The following LARP1 variants were observed in gnomAD, a reference collection of about 807,000 sequenced individuals.
LARP1 encodes the protein La ribonucleoprotein 1, translational regulator.
Under a neutral mutation model 122.7 loss-of-function variants are expected in LARP1, and 36 were observed. The ratio of observed to expected loss-of-function variants is 0.29; its 90% CI spans 0.22 to 0.39. The LOEUF (loss-of-function observed/expected upper bound fraction) is 0.39, where lower values mean the gene tolerates loss of function less well. Among genes scored for constraint, LARP1 ranks in the 10% least tolerant of loss-of-function variants. The pLI, the probability that LARP1 is intolerant of heterozygous loss-of-function variation, is 1.00. For missense variants in LARP1, 1,040 were observed against 1,403.6 expected, an observed-to-expected ratio of 0.74 and a Z score of 4.14; for synonymous variants, 539 against 528.7, an observed-to-expected ratio of 1.02 and a Z score of -0.27.
chr5:154,709,506 T>TTTTAAGTGCAGCTTC (rs1755108644), upstream of LARP1, among the ~76,000 whole-genome samples: 1 of 152,178 alleles, frequency 6.6e-6, no homozygotes, highest in Non-Finnish European at 1.5e-5. Context: ...TGGTATTTTC[T>TTTTAAGTGCAGCTTC]TTTAAGTGCA....
At chr5:154,796,158 T>TTTTATATA (rs1757827705) in intron 8 of LARP1, among the ~76,000 whole-genome samples, 1 of 121,636 alleles carries the variant, frequency 8.2e-6, no homozygotes, top group African/African-American at 3.1e-5. Flanking sequence ...TATATATATA[T>TTTTATATA]TTTATGTATT....
chr5:154,732,002 C>A (rs1756600155), intron 1 of LARP1, among the ~76,000 whole-genome samples: 2 of 143,966 alleles, frequency 1.4e-5, no homozygotes, highest in Admixed American at 1.4e-4. Context: ...AGCCTGGTAA[C>A]AGAGTGAGAC....
At chr5:154,712,658 G>A (rs1755273065), upstream of LARP1, among the ~76,000 whole-genome samples, 1 of 152,166 alleles carries the variant, frequency 6.6e-6, no homozygotes, top group South Asian at 2.1e-4. Context: ...TGTGGAGGAG[G>A]GGAGACTCAG....
chr5:154,813,989 C>T lies in LARP1; in HGVS notation c.3184C>T (p.Pro1062Ser), dbSNP rs1197198346. The change falls in exon 19 of 19, where the codon CCT (proline) becomes TCT (serine). Residue 1062 changes from proline (P) to serine (S), a missense_variant. By Grantham distance (74) the Pro-to-Ser change is moderately conservative. This residue lies in a region of LARP1 where 129 missense variants were observed against 160.8 expected (regional missense o/e 0.80). Coordinates refer to ENST00000518297, the MANE Select transcript of LARP1 (RefSeq NM_033551.3). ...KRCPSQSSSR[P>S]AAMISQPPTP... ...GTGCCCCTCCCAGTCTTCCAGCAGG[C>T]CTGCTGCCATGATCAGCCAACCCCC... is the stretch of plus-strand genomic sequence containing the variant. The T allele has an allele frequency of 6.2e-7, 1 of 1,614,108 alleles. No individual in the cohort carries two copies. Among genetic ancestry groups the T allele is most frequent in the Non-Finnish European group, 8.5e-7 (1 of 1,180,000 alleles).
chr5:154,767,269 A>C, intron 1 of LARP1, among the ~76,000 whole-genome samples: 1 of 152,280 alleles, frequency 6.6e-6, no homozygotes, highest in Non-Finnish European at 1.5e-5. Flanking sequence ...AAAATACTCA[A>C]CTGGAGCCTG....
chr5:154,753,308 TG>T (rs537779155), upstream of LARP1, among the ~76,000 whole-genome samples: 3 of 152,286 alleles, frequency 2.0e-5, no homozygotes, highest in South Asian at 6.2e-4. Flanking sequence ...AAGCTGTGCA[TG>T]GTGGCACGTG....
rs75434196 is a variant in LARP1 at position 154,799,859 on chromosome 5, T to G, written c.1547-14T>G. The G allele has an allele frequency of 7.4e-6, 12 of 1,612,834 alleles. No individual in the cohort carries two copies. In the East Asian group the frequency reaches 2.7e-4, roughly 36 times the overall value. Reference sequence around the variant, plus strand: ...GGACTGGAGGGATGAGGACTTCCCCTTTCCACCCTTTAGAGTCGGCACCTG... The same window carrying G: ...GGACTGGAGGGATGAGGACTTCCCCGTTCCACCCTTTAGAGTCGGCACCTG... On this transcript the variant is annotated splice_polypyrimidine_tract_variant and intron_variant, in intron 9 of 18. Coordinates refer to ENST00000518297, the MANE Select transcript of LARP1 (RefSeq NM_033551.3).
intron 3 of LARP1, 34 bp from the exon 4 acceptor site, chr5:154,792,588 A>G (rs780580650): frequency 3.7e-6 from 6 of 1,603,990 alleles, no homozygotes; most frequent in Non-Finnish European, 5.1e-6. Context: ...AGGCACTCAC[A>G]CTCACCTCAC....
At chr5:154,774,966 A>G (rs944539235) in intron 1 of LARP1, among the ~76,000 whole-genome samples, 1 of 152,162 alleles carries the variant, frequency 6.6e-6, no homozygotes, top group East Asian at 1.9e-4. Context: ...AGGGAAAAAA[A>G]GAAAAACAGG....
chr5:154,720,399 A>G (rs1755791513), intron 1 of LARP1, among the ~76,000 whole-genome samples: 1 of 152,102 alleles, frequency 6.6e-6, no homozygotes, highest in Non-Finnish European at 1.5e-5. Flanking sequence ...GGGAAAATAG[A>G]GTGGTTTGTA....
chr5:154,724,436 T>G (rs974251230), intron 1 of LARP1, among the ~76,000 whole-genome samples: 2 of 152,208 alleles, frequency 1.3e-5, no homozygotes, highest in African/African-American at 4.8e-5. Flanking sequence ...AAGTAATTCC[T>G]TCCCTGCCTA....
upstream of LARP1, among the ~76,000 whole-genome samples, chr5:154,755,127 C>T (rs72797590): frequency 0.014 from 2,145 of 151,662 alleles, 33 homozygotes; most frequent in South Asian, 0.023. Context: ...CCGGTCTGAG[C>T]GTCCCTACCC....
intron 1 of LARP1, among the ~76,000 whole-genome samples, chr5:154,742,002 T>G (rs1387879616): frequency 6.6e-6 from 1 of 152,232 alleles, no homozygotes; most frequent in African/African-American, 2.4e-5. Flanking sequence ...TTCATGTTCC[T>G]TCTAATGAAC....
chr5:154,792,666 G>A lies in LARP1; in HGVS notation c.609G>A (p.Lys203=). ...KPQPTRKLPP[K]KDMKEQEKGE... ...AGCCTACCCGTAAACTGCCACCCAA[G>A]AAGGACATGAAGGAACAGGAGAAAG... The change falls in exon 4 of 19, where the codon AAG becomes AAA. Residue 203 remains lysine (K), a synonymous_variant. Transcript: ENST00000518297. 1 of 1,614,108 alleles carries A rather than the reference G, an allele frequency of 6.2e-7. No homozygotes were observed. Among genetic ancestry groups the A allele is most frequent in the Non-Finnish European group, 8.5e-7 (1 of 1,180,012 alleles).
intron 18 of LARP1, 145 bp from the exon 19 acceptor site, chr5:154,813,742 T>C: frequency 1.4e-6 from 1 of 713,158 alleles, no homozygotes; most frequent in Non-Finnish European, 2.4e-6. Flanking sequence ...AAGAAACGCT[T>C]AATAACTTAT....
rs748853573 is a variant in LARP1 at position 154,744,616 on chromosome 5, A to ATTTT, written c.205+31522_205+31525dup. ...CAGGGGAAAGGGCATTGGATATGCAATTTTTTTTTTTTTTTTTTTTTTTTT... is the reference window on the plus strand; with the variant it reads ...CAGGGGAAAGGGCATTGGATATGCAATTTTTTTTTTTTTTTTTTTTTTTTTTTTT... On this transcript the variant is annotated intron_variant, in intron 1 of 18. Coordinates refer to the LARP1 transcript ENST00000336314. Among the ~76,000 whole-genome samples the ATTTT allele has an allele frequency of 3.1e-3, 223 of 71,996 alleles. 55 individuals carry two copies. The highest frequency in any genetic ancestry group is 5.0e-3 in the Non-Finnish European group (174 of 35,050). 47.2% of individuals were successfully genotyped at this position (71,996 alleles called of 152,430 possible).
At chr5:154,710,561 G>A (rs1288569933), upstream of LARP1, among the ~76,000 whole-genome samples, 7 of 151,960 alleles carry the variant, frequency 4.6e-5, no homozygotes, top group African/African-American at 1.7e-4. Flanking sequence ...GACCGACATG[G>A]TGAAACCCTG....
At chr5:154,713,251 G>A (rs920560644) in intron 1 of LARP1, 27 of 753,402 alleles carry the variant, frequency 3.6e-5, no homozygotes, top group African/African-American at 7.1e-5. Context: ...GACCCTGAGC[G>A]AGTCACTCCA....
intron 8 of LARP1, among the ~76,000 whole-genome samples, chr5:154,796,097 A>T (rs1218476398): frequency 2.5e-5 from 3 of 120,224 alleles, no homozygotes; most frequent in African/African-American, 3.3e-5. Flanking sequence ...TATATATTTT[A>T]TATATTTATA....
Sources: gnomAD v4.1 joint callset for allele counts (sites outside exome capture counted in the v4.1 genomes callset) on GRCh38, gnomAD v4.1.1 for gene constraint, gnomAD v4.1.1 regional missense constraint, MANE v1.5 for transcripts, NCBI Gene and HGNC (gene_info 2026-07-23, HGNC 2026-07-21) for gene names.